The following KCNH1 variants were observed in gnomAD, a reference collection of about 807,000 sequenced individuals.
KCNH1 encodes the protein voltage-gated delayed rectifier potassium channel KCNH1.
KCNH1 carries 27 observed loss-of-function variants against 69.2 expected under a neutral mutation model. The observed-to-expected ratio is 0.39, with a 90% CI of 0.29 to 0.54. The LOEUF (loss-of-function observed/expected upper bound fraction) is 0.54. KCNH1 is among the 20% of genes least tolerant of loss of function. The pLI, the probability that KCNH1 is intolerant of heterozygous loss-of-function variation, is 0.68. For synonymous variants in KCNH1, 456 were observed against 487.7 expected (o/e 0.93, Z 0.86); for missense variants, 798 against 1,261.6 (o/e 0.63, Z 5.57).
intron 7 of KCNH1, among the ~76,000 whole-genome samples, chr1:210,838,995 G>A (rs1685349207): frequency 6.6e-6 from 1 of 152,214 alleles, no homozygotes; most frequent in Non-Finnish European, 1.5e-5. Flanking sequence ...GTGGAAGACA[G>A]TGTGGAGATT....
intron 6 of KCNH1, among the ~76,000 whole-genome samples, chr1:210,957,467 C>T (rs1688200938): frequency 6.6e-6 from 1 of 152,080 alleles, no homozygotes; most frequent in South Asian, 2.1e-4. Context: ...CCTGGATATC[C>T]TTCTTAACCT....
At chr1:211,132,890 C>G (rs901921431) in intron 1 of KCNH1, 3 of 152,214 alleles carry the variant, frequency 2.0e-5, no homozygotes, top group Non-Finnish European at 2.9e-5. Flanking sequence ...CGCCTTCCAA[C>G]TGCCAGGACT....
At chr1:210,894,029 C>T (rs1004347380) in intron 7 of KCNH1, among the ~76,000 whole-genome samples, 2 of 152,138 alleles carry the variant, frequency 1.3e-5, no homozygotes, top group African/African-American at 2.4e-5. Flanking sequence ...TTGCCTACTA[C>T]TTCTAAAAAC....
chr1:210,991,603 C>CCACACACACACA (rs67518284), intron 6 of KCNH1, among the ~76,000 whole-genome samples: 10 of 148,306 alleles, frequency 6.7e-5, no homozygotes, highest in South Asian at 2.2e-4. Context: ...TCTGTTCTTG[C>CCACACACACACA]CACACACACA....
intron 6 of KCNH1, among the ~76,000 whole-genome samples, chr1:210,978,273 C>G (rs976171515): frequency 1.3e-5 from 2 of 152,088 alleles, no homozygotes; most frequent in African/African-American, 4.8e-5. Context: ...TTCCTGACCT[C>G]GTGATCTGCC....
At chr1:210,876,317 C>T (rs966980680) in intron 7 of KCNH1, among the ~76,000 whole-genome samples, 7 of 152,148 alleles carry the variant, frequency 4.6e-5, no homozygotes, top group African/African-American at 7.2e-5. Context: ...TTTGGCATCT[C>T]AAATTTTACA....
chr1:211,035,151 G>A (rs1322170820), intron 5 of KCNH1, among the ~76,000 whole-genome samples: 2 of 151,958 alleles, frequency 1.3e-5, no homozygotes, highest in Admixed American at 6.6e-5. Flanking sequence ...TAGAGAGGGA[G>A]GGTTGATGGG....
At chr1:210,986,160 T>C (rs1253220702) in intron 6 of KCNH1, among the ~76,000 whole-genome samples, 2 of 152,206 alleles carry the variant, frequency 1.3e-5, no homozygotes, top group African/African-American at 4.8e-5. Flanking sequence ...ATCCCTTTAT[T>C]TTGAGCCTAT....
chr1:211,010,872 T>C (rs1689378630), intron 6 of KCNH1, among the ~76,000 whole-genome samples: 1 of 151,988 alleles, frequency 6.6e-6, no homozygotes, highest in African/African-American at 2.4e-5. Flanking sequence ...AAAAGAGAAG[T>C]AGAACTTGGA....
chr1:210,936,896 TC>T (rs903630580), intron 6 of KCNH1, among the ~76,000 whole-genome samples: 3 of 152,190 alleles, frequency 2.0e-5, no homozygotes, highest in African/African-American at 7.2e-5. Flanking sequence ...CCACTCTTTT[TC>T]CCTTATCCCC....
chr1:210,787,384 C>T (rs1229985775), intron 9 of KCNH1, among the ~76,000 whole-genome samples: 1 of 152,134 alleles, frequency 6.6e-6, no homozygotes, highest in East Asian at 1.9e-4. Context: ...TGTTCTTAGT[C>T]CTATTACAGC....
chr1:210,997,150 A>C (rs1689063893), intron 6 of KCNH1, among the ~76,000 whole-genome samples: 1 of 152,256 alleles, frequency 6.6e-6, no homozygotes, highest in African/African-American at 2.4e-5. Flanking sequence ...CAACGGAACA[A>C]AGCTGGACGG....
chr1:210,760,822 C>T (rs1179136515), intron 10 of KCNH1, among the ~76,000 whole-genome samples: 1 of 152,152 alleles, frequency 6.6e-6, no homozygotes, highest in Admixed American at 6.5e-5. Flanking sequence ...AAGGGAAAGA[C>T]CTGCCCCTAT....
chr1:210,783,740 C>A (rs532223187), intron 9 of KCNH1, among the ~76,000 whole-genome samples: 1 of 152,294 alleles, frequency 6.6e-6, no homozygotes, highest in Admixed American at 6.5e-5. Flanking sequence ...GCCACACCAG[C>A]CCTCTTACAC....
At chr1:210,994,670 T>C (rs182001086) in intron 6 of KCNH1, among the ~76,000 whole-genome samples, 1 of 152,300 alleles carries the variant, frequency 6.6e-6, no homozygotes, top group East Asian at 1.9e-4. Flanking sequence ...TAGAAAATAA[T>C]TATGTAGGCC....
At chr1:210,838,155 G>A (rs1685326431) in intron 7 of KCNH1, among the ~76,000 whole-genome samples, 2 of 152,080 alleles carry the variant, frequency 1.3e-5, no homozygotes, top group African/African-American at 2.4e-5. Flanking sequence ...ACATAGACCA[G>A]TAGAATAGAA....
intron 5 of KCNH1, among the ~76,000 whole-genome samples, chr1:211,078,210 T>C (rs1370237655): frequency 6.6e-6 from 1 of 152,106 alleles, no homozygotes; most frequent in Non-Finnish European, 1.5e-5. Flanking sequence ...GACAGATCAA[T>C]GAGACAGAAG....
intron 10 of KCNH1, among the ~76,000 whole-genome samples, chr1:210,740,397 A>G (rs2149036509): frequency 6.6e-6 from 1 of 152,276 alleles, no homozygotes; most frequent in East Asian, 1.9e-4. Context: ...TTTAGACCCA[A>G]AGAAAAGTTA....
At chr1:210,826,930 C>T (rs1188715178) in intron 7 of KCNH1, among the ~76,000 whole-genome samples, 3 of 152,252 alleles carry the variant, frequency 2.0e-5, no homozygotes, top group Admixed American at 2.0e-4. Context: ...GGCACATAGA[C>T]ACCTGGAGTC....
Sources: allele counts gnomAD v4.1 joint callset (sites outside exome capture counted in the v4.1 genomes callset), GRCh38; gene constraint gnomAD v4.1.1; transcripts MANE v1.5; gene names NCBI Gene and HGNC (gene_info 2026-07-23, HGNC 2026-07-21).